The following LIME1 variants were observed in gnomAD, a reference collection of about 807,000 sequenced individuals.
LIME1 encodes the protein lck-interacting transmembrane adapter 1.
Under a neutral mutation model 18.8 loss-of-function variants are expected in LIME1, and 23 were observed. The ratio of observed to expected loss-of-function variants is 1.22; its 90% confidence interval spans 0.88 to 1.73. The LOEUF (loss-of-function observed/expected upper bound fraction) is 1.73. Ranked by LOEUF, LIME1 falls within the 40% of genes most tolerant of loss-of-function variation. The pLI is 0.00. For synonymous variants in LIME1, 177 were observed against 182.3 expected, an observed-to-expected ratio of 0.97 and a Z score of 0.23; for missense variants, 423 against 396.8, an observed-to-expected ratio of 1.07 and a Z score of -0.56.
upstream of LIME1, chr20:63,736,183 A>G: frequency 2.0e-6 from 1 of 499,128 alleles, no homozygotes; most frequent in Non-Finnish European, 3.6e-6. Flanking sequence ...CTGGGGAGAG[A>G]AGGGTCTGTG....
chr20:63,737,690 T>C, intron 2 of LIME1, 43 bp downstream of exon 2: 1 of 1,503,022 alleles, frequency 6.7e-7, no homozygotes, highest in Middle Eastern at 2.0e-4. Context: ...TCGCTGCGGC[T>C]GCCATTCACA....
rs200351490 is a variant in LIME1, at chr20:63,737,830, C to T, written c.108C>T (p.Asp36=). The T allele has an allele frequency of 6.5e-4, 979 of 1,515,700 alleles. 3 individuals carry two copies. The African/African-American group carries it at 0.013, about 19-fold the overall frequency. 93.9% of individuals were successfully genotyped at this position (1,515,700 alleles called of 1,614,324 possible). Residue 36 remains aspartate (D), a synonymous_variant, in exon 3 of 6, where the codon GAC becomes GAT. Coordinates refer to ENST00000309546, the MANE Select transcript of LIME1 (RefSeq NM_017806.4). The stretch of plus-strand genomic sequence containing the variant: ...CACCTCTACCCCCAAGGCCCGAGGA[C>T]GCTGTAGCCCCCAGGAAGAGGGCGC... ...ALCTACRRPE[D]AVAPRKRARR... is the part of the protein sequence containing the mutation.
In LIME1 at chr20:63,737,607, C is replaced by T; in HGVS notation, c.58C>T (p.Leu20=). 1.2e-6 allele frequency: 2 copies of T among 1,603,748 alleles called. No homozygotes were observed. Among genetic ancestry groups the T allele is most frequent in the Non-Finnish European group, 1.7e-6 (2 of 1,176,512 alleles). The change falls in exon 2 of 6, where the codon CTG becomes TTG. Residue 20 remains leucine (L), a synonymous_variant. Coordinates refer to ENST00000309546, the MANE Select transcript of LIME1 (RefSeq NM_017806.4). ...PALWVLGCCA[L]LLSLWALCTA... ...CCTCTGGGTTCTAGGGTGCTGCGCC[C>T]TGCTCCTCTCGCTGTGGGCGCTGTG...
chr20:63,739,089 C>G lies in LIME1; in HGVS notation c.*189C>G, dbSNP rs2092026385. 2 of 545,686 alleles carry G rather than the reference C, an allele frequency of 3.7e-6. No individual in the cohort carries two copies. Among genetic ancestry groups the G allele is most frequent in the African/African-American group, 1.9e-5 (1 of 51,522 alleles). 33.8% of individuals were successfully genotyped at this position (545,686 alleles called of 1,614,324 possible). A position where few individuals can be genotyped will look rare whatever the true frequency, so the allele number is the denominator to read the frequency against. The stretch of plus-strand genomic sequence containing the variant: ...GGCCCGCGTCTAAATAAAGCGCCAG[C>G]GCAGGATGAAAGCGGCCAGCCTCGC... On this transcript the variant is annotated 3_prime_UTR_variant, in exon 6 of 6. Transcript: ENST00000309546.
chr20:63,737,033 C>A, intron 1 of LIME1: 1 of 986,576 alleles, frequency 1.0e-6, no homozygotes, highest in Non-Finnish European at 1.2e-6. Context: ...TGCCTGCTGA[C>A]CCAGCCTCCA....
At chr20:63,735,794 T>A, upstream of LIME1, 1 of 1,606,968 alleles carries the variant, frequency 6.2e-7, no homozygotes, top group South Asian at 1.1e-5. Context: ...TAGCGTGGCG[T>A]CAGCCCAGCT....
chr20:63,736,624 G>A, upstream of LIME1: 1 of 986,750 alleles, frequency 1.0e-6, no homozygotes, highest in Non-Finnish European at 1.2e-6. Flanking sequence ...GGAGCAGGAA[G>A]TGATGAGGTG....
chr20:63,738,151 C>T (rs757888192), intron 4 of LIME1, 32 bp from the exon 5 acceptor site: 39 of 1,540,986 alleles, frequency 2.5e-5, no homozygotes, highest in Non-Finnish European at 3.3e-5. Context: ...GCCCCCTGCC[C>T]GGAGTGAACT....
In LIME1 at chr20:63,738,356, G is replaced by T. The variant is rs773510884; in HGVS notation, c.442G>T (p.Val148Leu). The change falls in exon 5 of 6, where the codon GTG becomes TTG. Residue 148 changes from valine to leucine, a missense_variant. Val to Leu is a conservative substitution (Grantham distance 32, BLOSUM62 1). Coordinates refer to ENST00000309546, the MANE Select transcript of LIME1 (RefSeq NM_017806.4). ...CAGLEATYSNVGLAALPGVSL... is the reference protein window; with the variant it reads ...CAGLEATYSNLGLAALPGVSL... ...TGGCCTCGAGGCCACCTATTCCAACGTGGGGCTGGCGGCCCTTCCCGGGGT... is the reference window on the plus strand; with the variant it reads ...TGGCCTCGAGGCCACCTATTCCAACTTGGGGCTGGCGGCCCTTCCCGGGGT... The T allele has an allele frequency of 1.5e-5, 24 of 1,556,780 alleles. No individual in the cohort carries two copies. Among genetic ancestry groups the T allele is most frequent in the African/African-American group, 4.1e-5 (3 of 73,478 alleles).
At position 63,737,117 on chromosome 20, in the gene LIME1, G is replaced by C. The variant is rs1233932563; in HGVS notation, c.-18+405G>C. 1.3e-5 allele frequency: 13 copies of C among 993,036 alleles called. No individual in the cohort carries two copies. In the South Asian group the frequency reaches 4.2e-4, roughly 32 times the overall value. 61.5% of individuals were successfully genotyped at this position (993,036 alleles called of 1,614,324 possible). On this transcript the variant is annotated intron_variant, in intron 1 of 5. Transcript: ENST00000309546. Reference sequence around the variant, plus strand: ...CCAGTTCTGGGCTCCGCAGCGAGCGGCTTGGGGGCACTACCTGACACAGGA... The same window carrying C: ...CCAGTTCTGGGCTCCGCAGCGAGCGCCTTGGGGGCACTACCTGACACAGGA...
In LIME1 at chr20:63,737,554, G is replaced by T. The variant is rs1286736378; in HGVS notation, c.5G>T (p.Gly2Val). 6.3e-7 allele frequency: 1 copy of T among 1,581,100 alleles called. No individual in the cohort carries two copies. The highest frequency in any genetic ancestry group is 1.2e-5 in the South Asian group (1 of 86,692). Residue 2 changes from glycine to valine, a missense_variant, in exon 2 of 6, where the codon GGG becomes GTG. By Grantham distance (109) the Gly-to-Val change is moderately radical. Coordinates refer to ENST00000309546, the MANE Select transcript of LIME1 (RefSeq NM_017806.4). M[G>V]LPVSWAPPAL... The stretch of plus-strand genomic sequence containing the variant: ...CCAGGGCCTCGGCTTCACAGGATGG[G>T]GCTGCCAGTGTCCTGGGCCCCTCCT...
At position 63,737,677 on chromosome 20, in the gene LIME1, G is replaced by T. The variant is rs769125316; in HGVS notation, c.98+30G>T. ...GTCCCTCAGCCGCGTTCTGTCTGGG[G>T]CCTCGCTGCGGCTGCCATTCACAGC... is the stretch of plus-strand genomic sequence containing the variant. On this transcript the variant is annotated intron_variant, in intron 2 of 5. Coordinates refer to ENST00000309546, the MANE Select transcript of LIME1 (RefSeq NM_017806.4). 9 of 1,521,770 alleles carry T rather than the reference G, an allele frequency of 5.9e-6. No homozygotes were observed. The African/African-American group carries it at 1.3e-4, about 21-fold the overall frequency. The allele number at this position is 1,521,770 out of a possible 1,614,324, so 94.3% of individuals were successfully genotyped here. A position where few individuals can be genotyped will look rare whatever the true frequency, so the allele number is the denominator to read the frequency against.
Position 63,739,025 on chromosome 20 carries a change from G to T in LIME1, c.*125G>T. 1.1e-6 allele frequency: 1 copy of T among 870,760 alleles called. No individual in the cohort carries two copies. 53.9% of individuals were successfully genotyped at this position (870,760 alleles called of 1,614,324 possible). A position where few individuals can be genotyped will look rare whatever the true frequency, so the allele number is the denominator to read the frequency against. On this transcript the variant is annotated 3_prime_UTR_variant, in exon 6 of 6. Coordinates refer to ENST00000309546, the MANE Select transcript of LIME1 (RefSeq NM_017806.4). ...AGCCCGTGAGGTCCGTGAGGTCCTG[G>T]CCGCTCTGACAGCCGCGGCCTCCCC...
Position 63,739,005 on chromosome 20 carries a change from G to A in LIME1, c.*105G>A. The A allele has an allele frequency of 5.0e-6, 5 of 992,498 alleles. No individual in the cohort carries two copies. The highest frequency in any genetic ancestry group is 5.8e-6 in the Non-Finnish European group (4 of 692,682). 61.5% of individuals were successfully genotyped at this position (992,498 alleles called of 1,614,324 possible). ...TCCCAGGTCCCCGGGCTGCCAGCCC[G>A]TGAGGTCCGTGAGGTCCTGGCCGCT... On this transcript the variant is annotated 3_prime_UTR_variant, in exon 6 of 6. Coordinates refer to ENST00000309546, the MANE Select transcript of LIME1 (RefSeq NM_017806.4).
At position 63,737,400 on chromosome 20, in the gene LIME1, G is replaced by C. The variant is rs902466561; in HGVS notation, c.-17-133G>C. ...GAGGGAGGGACTGCCAGGCCTTGGG[G>C]CTTCCTGTGCTGAGTCAGAGCTGGA... On this transcript the variant is annotated intron_variant, in intron 1 of 5. Transcript: ENST00000309546. 42 of 1,354,292 alleles carry C rather than the reference G, an allele frequency of 3.1e-5. No homozygotes were observed. The African/African-American group carries it at 6.1e-4, about 20-fold the overall frequency. 83.9% of individuals were successfully genotyped at this position (1,354,292 alleles called of 1,614,324 possible).
rs1371941535 is a variant in LIME1, at chr20:63,738,315, C to T, written c.401C>T (p.Ala134Val). Residue 134 changes from alanine (A) to valine (V), a missense_variant, in exon 5 of 6, where the codon GCC becomes GTC. Transcript: ENST00000309546. ...ELPRALPAAA[A>V]TAGCAGLEAT... ...CCCCGGGCTCTGCCGGCAGCTGCAGCCACCGCAGGGTGCGCTGGCCTCGAG... is the reference window on the plus strand; with the variant it reads ...CCCCGGGCTCTGCCGGCAGCTGCAGTCACCGCAGGGTGCGCTGGCCTCGAG... The T allele has an allele frequency of 1.3e-6, 2 of 1,563,112 alleles. No homozygotes were observed. Among genetic ancestry groups the T allele is most frequent in the East Asian group, 4.7e-5 (2 of 42,378 alleles).
At chr20:63,736,559 C>A, upstream of LIME1, 1 of 956,088 alleles carries the variant, frequency 1.0e-6, no homozygotes, top group Non-Finnish European at 1.2e-6. Context: ...GTGGGTGAGG[C>A]TGCGGTGGTG....
upstream of LIME1, chr20:63,735,840 G>T (rs1297656832): frequency 6.2e-7 from 1 of 1,612,458 alleles, no homozygotes; most frequent in Non-Finnish European, 8.5e-7. Flanking sequence ...CGCCAGCTGG[G>T]GCAGCTCCGG....
At chr20:63,735,708 G>A, upstream of LIME1, 13 of 1,544,310 alleles carry the variant, frequency 8.4e-6, no homozygotes, top group Non-Finnish European at 1.1e-5. Context: ...CGGGCACACA[G>A]GCAGTGGGTA....
Sources: allele counts gnomAD v4.1 joint callset, GRCh38; gene constraint gnomAD v4.1.1; transcripts MANE v1.5; gene names NCBI Gene and HGNC (gene_info 2026-07-23, HGNC 2026-07-21).